The following RNF175 variants were observed in gnomAD, a reference collection of about 807,000 sequenced individuals.
RNF175 encodes ring finger protein 175.
Under a neutral mutation model 50.0 loss-of-function variants are expected in RNF175, and 38 were observed. That is an observed-to-expected ratio of 0.76 (90% CI 0.59 to 1.00). The LOEUF (loss-of-function observed/expected upper bound fraction) is 1.00, where lower values mean the gene tolerates loss of function less well. RNF175 is among the 50% of genes least tolerant of loss of function. The pLI is 0.00. For synonymous variants in RNF175, 155 were observed against 146.1 expected (o/e 1.06, Z -0.44); for missense variants, 388 against 409.6 (o/e 0.95, Z 0.46).
chr4:153,736,445 T>C (rs1203088287), intron 3 of RNF175, among the ~76,000 whole-genome samples: 1 of 152,202 alleles, frequency 6.6e-6, no homozygotes, highest in Non-Finnish European at 1.5e-5. Context: ...TGTCTTCATA[T>C]GGTAAGTCTT....
chr4:153,732,727 C>A (rs1447158178), intron 3 of RNF175, among the ~76,000 whole-genome samples: 3 of 152,106 alleles, frequency 2.0e-5, no homozygotes, highest in Non-Finnish European at 4.4e-5. Context: ...AGTAACTGCA[C>A]ATAAAAGAAG....
chr4:153,715,028 G>T, intron 7 of RNF175: 1 of 166,700 alleles, frequency 6.0e-6, no homozygotes, highest in Non-Finnish European at 1.3e-5. Flanking sequence ...TCCTCCCTTG[G>T]CTGCCCCCAA....
At chr4:153,729,197 C>T (rs922048976) in intron 3 of RNF175, among the ~76,000 whole-genome samples, 5 of 152,218 alleles carry the variant, frequency 3.3e-5, no homozygotes, top group South Asian at 2.1e-4. Context: ...TATGTTTTCT[C>T]GCATTCAGAC....
At chr4:153,717,975 T>C (rs1257598946) in intron 6 of RNF175, among the ~76,000 whole-genome samples, 4 of 151,914 alleles carry the variant, frequency 2.6e-5, no homozygotes, top group Admixed American at 1.3e-4. Flanking sequence ...CACAGAAGAG[T>C]TTCACCACTC....
intron 3 of RNF175, among the ~76,000 whole-genome samples, chr4:153,732,034 C>T (rs1392713267): frequency 6.6e-6 from 1 of 152,110 alleles, no homozygotes; most frequent in Non-Finnish European, 1.5e-5. Context: ...AAGTTTGAGA[C>T]CAGCCTGGGC....
intron 3 of RNF175, among the ~76,000 whole-genome samples, chr4:153,734,242 C>A (rs1739210191): frequency 6.6e-6 from 1 of 152,092 alleles, no homozygotes; most frequent in South Asian, 2.1e-4. Context: ...ATATAGTAAG[C>A]CTATGTTTAG....
chr4:153,743,459 A>G (rs181609277), intron 3 of RNF175, among the ~76,000 whole-genome samples: 1 of 152,298 alleles, frequency 6.6e-6, no homozygotes, highest in Admixed American at 6.5e-5. Context: ...AAGAAGTAGA[A>G]TATATTCCAG....
intron 5 of RNF175, among the ~76,000 whole-genome samples, chr4:153,722,564 C>T (rs1258629309): frequency 6.6e-6 from 1 of 151,966 alleles, no homozygotes; most frequent in Admixed American, 6.6e-5. Context: ...CTCTGCCTCC[C>T]AAGTAGCTGG....
chr4:153,754,226 T>C (rs1200622414), intron 1 of RNF175, among the ~76,000 whole-genome samples: 3 of 150,614 alleles, frequency 2.0e-5, no homozygotes, highest in South Asian at 2.1e-4. Flanking sequence ...TAGACCTTGA[T>C]TGGAGAGAGA....
intron 4 of RNF175, among the ~76,000 whole-genome samples, chr4:153,724,356 G>T (rs1449050253): frequency 6.6e-6 from 1 of 152,232 alleles, no homozygotes; most frequent in Non-Finnish European, 1.5e-5. Flanking sequence ...GGTACAAGAG[G>T]TAGTGGATGG....
intron 8 of RNF175, among the ~76,000 whole-genome samples, chr4:153,711,228 G>A (rs961982811): frequency 5.9e-5 from 9 of 152,076 alleles, no homozygotes; most frequent in Non-Finnish European, 1.3e-4. Flanking sequence ...TCTGGACTTG[G>A]TATCCTCATT....
chr4:153,711,117 G>T (rs1401541477), intron 8 of RNF175, among the ~76,000 whole-genome samples: 1 of 152,118 alleles, frequency 6.6e-6, no homozygotes, highest in African/African-American at 2.4e-5. Context: ...ATGACCCTTT[G>T]TTAAAGTATC....
intron 1 of RNF175, 100 bp downstream of exon 1, chr4:153,759,697 C>G (rs1399704750): frequency 3.9e-6 from 3 of 759,584 alleles, no homozygotes; most frequent in Non-Finnish European, 5.8e-6. Flanking sequence ...CCGGTGGGGC[C>G]CGGGGTCTTG....
At chr4:153,741,563 T>C (rs1236806859) in intron 3 of RNF175, among the ~76,000 whole-genome samples, 1 of 152,236 alleles carries the variant, frequency 6.6e-6, no homozygotes, top group African/African-American at 2.4e-5. Flanking sequence ...TTTCCTGCAT[T>C]CATCTGTCTC....
intron 6 of RNF175, among the ~76,000 whole-genome samples, chr4:153,718,221 TG>T (rs1187549695): frequency 0.022 from 1,157 of 53,362 alleles, 10 homozygotes; most frequent in Non-Finnish European, 0.022. Flanking sequence ...TTTTTTTGTT[TG>T]TTTGTTTGTT....
chr4:153,740,306 GT>G (rs1739582008), intron 3 of RNF175, among the ~76,000 whole-genome samples: 1 of 151,784 alleles, frequency 6.6e-6, no homozygotes, highest in Non-Finnish European at 1.5e-5. Flanking sequence ...ATTATTTTAA[GT>G]TTTATTTTAT....
At chr4:153,711,914 A>G (rs989569967) in intron 8 of RNF175, among the ~76,000 whole-genome samples, 2 of 152,164 alleles carry the variant, frequency 1.3e-5, no homozygotes, top group Admixed American at 1.3e-4. Flanking sequence ...TTTATTTTCA[A>G]TATTGTTATC....
chr4:153,746,815 C>T (rs1739998867), intron 3 of RNF175, among the ~76,000 whole-genome samples: 1 of 152,246 alleles, frequency 6.6e-6, no homozygotes, highest in Admixed American at 6.5e-5. Flanking sequence ...TGCTTAGGCC[C>T]TCTGGTTGTC....
At chr4:153,729,874 G>C in intron 3 of RNF175, 1 of 817,504 alleles carries the variant, frequency 1.2e-6, no homozygotes, top group Non-Finnish European at 1.4e-6. Flanking sequence ...TAACTTCAAG[G>C]AATACTTTCA....
Sources: allele counts gnomAD v4.1 joint callset (sites outside exome capture counted in the v4.1 genomes callset), GRCh38; gene constraint gnomAD v4.1.1; transcripts MANE v1.5; gene names NCBI Gene and HGNC (gene_info 2026-07-23, HGNC 2026-07-21).